The following NKTR variants were observed in gnomAD, a reference collection of about 807,000 sequenced individuals.
The protein encoded by NKTR is natural killer cell triggering receptor.
In NKTR, 67 loss-of-function variants were observed where a neutral mutation model predicts 156.3. The observed-to-expected ratio is 0.43, with a 90% CI of 0.35 to 0.53. The LOEUF (loss-of-function observed/expected upper bound fraction) is 0.53, where lower values mean the gene tolerates loss of function less well. Ranked by LOEUF, NKTR falls within the 20% of genes least tolerant of loss-of-function variation. The pLI is 0.01. For synonymous variants in NKTR, 640 were observed against 596.6 expected, an observed-to-expected ratio of 1.07 and a Z score of -1.06; for missense variants, 1,604 against 1,730.9, an observed-to-expected ratio of 0.93 and a Z score of 1.30.
chr3:42,617,018 A>C (rs1707435435), intron 2 of NKTR, among the ~76,000 whole-genome samples: 1 of 152,116 alleles, frequency 6.6e-6, no homozygotes, highest in Admixed American at 6.6e-5. Context: ...CAGCCTCCCA[A>C]AGTGCTGGGA....
chr3:42,619,989 A>T, intron 5 of NKTR: 1 of 1,533,178 alleles, frequency 6.5e-7, no homozygotes, highest in Non-Finnish European at 8.7e-7. Flanking sequence ...CCTGCCTAAA[A>T]CTGTCAACAT....
At chr3:42,601,963 G>T (rs893228838) in intron 2 of NKTR, 3 of 152,306 alleles carry the variant, frequency 2.0e-5, no homozygotes, top group Middle Eastern at 3.4e-3. Flanking sequence ...ACAGTGACTT[G>T]TAGTTGGGAT....
intron 2 of NKTR, among the ~76,000 whole-genome samples, chr3:42,607,685 T>C (rs940766982): frequency 2.6e-5 from 4 of 152,084 alleles, no homozygotes; most frequent in Non-Finnish European, 5.9e-5. Flanking sequence ...AAATTTGATA[T>C]AGCCAAACAA....
rs1708871551 is a variant in NKTR at position 42,631,271 on chromosome 3, C to T, written c.505C>T (p.Arg169Ter). Residue 169 changes from arginine (R) to a stop codon, truncating the protein, a stop_gained, in exon 8 of 17, where the codon CGA (arginine) becomes TGA (stop). Transcript: ENST00000232978. LOFTEE classifies it high-confidence loss of function. ...TGCAAGCAGACCATATGCAGATGTG[C>T]GAGTTATTGACTGTGGAGTACTTGC... ...DAASRPYADV[R>*]VIDCGVLATK... 3 of 1,613,800 alleles carry T rather than the reference C, an allele frequency of 1.9e-6. No individual in the cohort carries two copies. The highest frequency in any genetic ancestry group is 2.5e-6 in the Non-Finnish European group (3 of 1,179,862).
chr3:42,637,242 A>C lies in NKTR; in HGVS notation c.1538A>C (p.His513Pro), dbSNP rs769101395. ...SDKDVQSSLT[H>P]SSRDSYRSKS... is the part of the protein sequence containing the mutation. ...AAGGATGTCCAGAGCTCTTTAACCC[A>C]TTCCAGCAGAGACTCATACAGATCA... Residue 513 changes from histidine to proline, a missense_variant, in exon 13 of 17, where the codon CAT becomes CCT. By Grantham distance (77) the His-to-Pro change is moderately conservative (BLOSUM62 -2). Transcript: ENST00000232978. 6.2e-7 allele frequency: 1 copy of C among 1,611,854 alleles called. No homozygotes were observed. Among genetic ancestry groups the C allele is most frequent in the African/African-American group, 1.3e-5 (1 of 74,874 alleles).
intron 4 of NKTR, chr3:42,619,454 G>A: frequency 7.2e-7 from 1 of 1,387,064 alleles, no homozygotes; most frequent in Non-Finnish European, 9.3e-7. Flanking sequence ...TAAGTAGGTT[G>A]TGAAGATGAC....
At chr3:42,636,194 C>T (rs931414744) in intron 12 of NKTR, among the ~76,000 whole-genome samples, 4 of 152,116 alleles carry the variant, frequency 2.6e-5, no homozygotes, top group Non-Finnish European at 5.9e-5. Context: ...CTCTTTTTCT[C>T]TGGGGACATC....
chr3:42,619,040 A>G lies in NKTR; in HGVS notation c.154A>G (p.Thr52Ala). ...LCSGEKGLGK[T>A]TGKKLCYKGS... ...TCCAGGAGAGAAAGGCCTTGGGAAA[A>G]CAACTGGGAAGAAGTTATGTTATAA... is the stretch of plus-strand genomic sequence containing the variant. The change falls in exon 4 of 17, where the codon ACA becomes GCA. Residue 52 changes from threonine (T) to alanine (A), a missense_variant. Around this residue, in one of 6 missense-constraint regions of NKTR, gnomAD observed 73 missense variants for 90.7 expected, o/e 0.80. Coordinates refer to ENST00000232978, the MANE Select transcript of NKTR (RefSeq NM_005385.4). The G allele has an allele frequency of 6.3e-7, 1 of 1,595,832 alleles. No individual in the cohort carries two copies. Among genetic ancestry groups the G allele is most frequent in the South Asian group, 1.2e-5 (1 of 86,404 alleles).
intron 6 of NKTR, chr3:42,628,186 T>C (rs1708576359): frequency 1.0e-6 from 1 of 985,342 alleles, no homozygotes; most frequent in East Asian, 1.1e-4. Flanking sequence ...TATTTCTGTA[T>C]CTTGAGTTGC....
chr3:42,638,775 A>G lies in NKTR; in HGVS notation c.3071A>G (p.Glu1024Gly), dbSNP rs1277807550. ...FHWQPPLEFG[E>G]EEEEEIDDKQ... ...TGGCAGCCTCCACTAGAATTTGGTG[A>G]AGAGGAGGAGGAGGAGATTGATGAC... The change falls in exon 13 of 17, where the codon GAA becomes GGA. Residue 1024 changes from glutamate (E) to glycine (G), a missense_variant. By Grantham distance (98) the Glu-to-Gly change is moderately conservative. Around this residue, in one of 6 missense-constraint regions of NKTR, gnomAD observed 1,255 missense variants for 1,243.7 expected, o/e 1.01. Transcript: ENST00000232978. The G allele has an allele frequency of 1.2e-6, 2 of 1,613,946 alleles. No individual in the cohort carries two copies. The highest frequency in any genetic ancestry group is 1.7e-6 in the Non-Finnish European group (2 of 1,179,996).
At chr3:42,632,061 CTT>C (rs564114469) in intron 8 of NKTR, among the ~76,000 whole-genome samples, 886 of 86,378 alleles carry the variant, frequency 0.01, 3 homozygotes, top group African/African-American at 0.031. Context: ...TTATGCAATT[CTT>C]TTTTTTTTTT....
intron 5 of NKTR, chr3:42,620,933 G>A (rs1707847107): frequency 1.1e-6 from 1 of 896,298 alleles, no homozygotes; most frequent in Non-Finnish European, 1.3e-6. Flanking sequence ...ATATGTTCCT[G>A]TAACTTAATA....
chr3:42,638,945 C>G lies in NKTR; in HGVS notation c.3241C>G (p.Gln1081Glu), dbSNP rs149210982. ...AGTGACTGTTTCATCAGATCTTGAT[C>G]AGTTTACTAAAGATGATAGTAAACT... ...DTVTVSSDLD[Q>E]FTKDDSKLSI... The change falls in exon 13 of 17, where the codon CAG becomes GAG. Residue 1081 changes from glutamine to glutamate, a missense_variant. Gln to Glu is a conservative substitution (Grantham distance 29). Coordinates refer to ENST00000232978, the MANE Select transcript of NKTR (RefSeq NM_005385.4). The G allele has an allele frequency of 1.1e-5, 18 of 1,612,886 alleles. No homozygotes were observed. The highest frequency in any genetic ancestry group is 2.2e-5 in the South Asian group (2 of 90,958).
chr3:42,604,200 T>A (rs1256462236), intron 2 of NKTR, among the ~76,000 whole-genome samples: 2 of 152,208 alleles, frequency 1.3e-5, no homozygotes, highest in Non-Finnish European at 2.9e-5. Context: ...CCTTTGTCAG[T>A]CTGACGAGAG....
chr3:42,620,978 A>G (rs886066330), intron 5 of NKTR: 13 of 934,214 alleles, frequency 1.4e-5, no homozygotes, highest in Non-Finnish European at 1.5e-5. Flanking sequence ...TCTAGCTTCA[A>G]TTAAGTTGAA....
At position 42,600,964 on chromosome 3, in the gene NKTR, T is replaced by C; in HGVS notation, c.-23-20T>C. On this transcript the variant is annotated intron_variant, in intron 1 of 16. Coordinates refer to ENST00000232978, the MANE Select transcript of NKTR (RefSeq NM_005385.4). ...CGCCCTCGCCCCTGCCCTGACCGCT[T>C]TTCTCCCCCTCTCTCCCAGCTCTTG... 1 of 1,486,046 alleles carries C rather than the reference T, an allele frequency of 6.7e-7. No individual in the cohort carries two copies. Among genetic ancestry groups the C allele is most frequent in the Non-Finnish European group, 9.0e-7 (1 of 1,107,072 alleles). The allele number at this position is 1,486,046 out of a possible 1,614,324, so 92.1% of individuals were successfully genotyped here. A position where few individuals can be genotyped will look rare whatever the true frequency, so the allele number is the denominator to read the frequency against.
At chr3:42,628,001 C>T in intron 6 of NKTR, 1 of 985,294 alleles carries the variant, frequency 1.0e-6, no homozygotes. Context: ...CCTTTTGTAA[C>T]CCTCTTTGGC....
chr3:42,640,984 TCTC>T (rs1260982349), intron 13 of NKTR, among the ~76,000 whole-genome samples: 2 of 152,244 alleles, frequency 1.3e-5, no homozygotes, highest in East Asian at 3.8e-4. Flanking sequence ...TGGCCACTCT[TCTC>T]ATTTACCTTC....
At chr3:42,636,598 T>C (rs542823048) in intron 12 of NKTR, among the ~76,000 whole-genome samples, 22 of 152,352 alleles carry the variant, frequency 1.4e-4, no homozygotes, top group African/African-American at 5.3e-4. Flanking sequence ...TTGTGATTAG[T>C]TGGTTTGCTT....
Sources: gnomAD v4.1 joint callset for allele counts (sites outside exome capture counted in the v4.1 genomes callset) on GRCh38, gnomAD v4.1.1 for gene constraint, gnomAD v4.1.1 regional missense constraint, MANE v1.5 for transcripts, NCBI Gene and HGNC (gene_info 2026-07-23, HGNC 2026-07-21) for gene names.